The following CNIH3 variants were observed in gnomAD, a reference collection of about 807,000 sequenced individuals.
CNIH3 encodes protein cornichon homolog 3.
In CNIH3, 14 loss-of-function variants were observed where a neutral mutation model predicts 24.1. The observed-to-expected ratio is 0.58, with a 90% CI of 0.38 to 0.91. The LOEUF (loss-of-function observed/expected upper bound fraction) is 0.91. Ranked by LOEUF, CNIH3 falls within the 40% of genes least tolerant of loss-of-function variation. CNIH3 has a pLI of 0.00. For synonymous variants in CNIH3, 68 were observed against 73.8 expected, an observed-to-expected ratio of 0.92 and a Z score of 0.40; for missense variants, 178 against 196.8, an observed-to-expected ratio of 0.90 and a Z score of 0.57.
At chr1:224,609,284 A>G (rs1682574474) in intron 3 of CNIH3, among the ~76,000 whole-genome samples, 1 of 152,220 alleles carries the variant, frequency 6.6e-6, no homozygotes, top group Admixed American at 6.5e-5. Context: ...AGGTAGATGA[A>G]TGTTCACTAA....
chr1:224,451,368 T>C (rs955169457), intron 1 of CNIH3, among the ~76,000 whole-genome samples: 2 of 152,214 alleles, frequency 1.3e-5, no homozygotes, highest in Non-Finnish European at 1.5e-5. Context: ...AGAGTCATGA[T>C]GTACTAGAGA....
chr1:224,640,036 A>G (rs1277292993), intron 1 of CNIH3, among the ~76,000 whole-genome samples: 1 of 152,344 alleles, frequency 6.6e-6, no homozygotes, highest in Non-Finnish European at 1.5e-5. Flanking sequence ...AGATAAGGCC[A>G]GGTCTTGAGC....
In CNIH3 at chr1:224,627,658, C is replaced by T. The variant is rs181168519; in HGVS notation, c.81+10403C>T. Among the ~76,000 whole-genome samples the T allele has an allele frequency of 2.6e-3, 401 of 152,252 alleles. 3 individuals carry two copies. The highest frequency in any genetic ancestry group is 0.02 in the Middle Eastern group (6 of 294). ...TGGGTCCTGTGTACACTAGCAGACCCGTGGGGACTGAGGCCCGCTCCTGCA... is the reference window on the plus strand; with the variant it reads ...TGGGTCCTGTGTACACTAGCAGACCTGTGGGGACTGAGGCCCGCTCCTGCA... On this transcript the variant is annotated intron_variant, in intron 1 of 5. Coordinates refer to ENST00000272133, the MANE Select transcript of CNIH3 (RefSeq NM_152495.2).
At chr1:224,547,543 C>T (rs890314626) in intron 3 of CNIH3, among the ~76,000 whole-genome samples, 1 of 151,898 alleles carries the variant, frequency 6.6e-6, no homozygotes, top group Non-Finnish European at 1.5e-5. Context: ...GGGGGTGAAA[C>T]ACCCTGTGTG....
At chr1:224,462,013 T>G (rs1024517412) in intron 1 of CNIH3, among the ~76,000 whole-genome samples, 2 of 152,148 alleles carry the variant, frequency 1.3e-5, no homozygotes, top group African/African-American at 4.8e-5. Flanking sequence ...ACTTTTACTT[T>G]TTAGAGCTGT....
chr1:224,554,907 T>A (rs1272035742), intron 3 of CNIH3, among the ~76,000 whole-genome samples: 5 of 152,206 alleles, frequency 3.3e-5, no homozygotes, highest in African/African-American at 9.6e-5. Context: ...ACTACTTACA[T>A]AGCATTGCAT....
intron 3 of CNIH3, among the ~76,000 whole-genome samples, chr1:224,556,936 A>G (rs1304806111): frequency 6.6e-6 from 1 of 152,204 alleles, no homozygotes; most frequent in Non-Finnish European, 1.5e-5. Context: ...CATGAATCTG[A>G]GGAGCTCCTG....
intron 1 of CNIH3, among the ~76,000 whole-genome samples, chr1:224,486,587 G>C (rs976458523): frequency 1.3e-5 from 2 of 151,884 alleles, no homozygotes; most frequent in African/African-American, 4.8e-5. Context: ...GAATATATAC[G>C]TATACATACC....
At chr1:224,691,421 G>C (rs931956963) in intron 3 of CNIH3, among the ~76,000 whole-genome samples, 6 of 152,224 alleles carry the variant, frequency 3.9e-5, no homozygotes, top group Non-Finnish European at 7.3e-5. Context: ...AAAGTGGGCA[G>C]GCGTGGGAGT....
intron 3 of CNIH3, among the ~76,000 whole-genome samples, chr1:224,598,552 G>A (rs1682081202): frequency 6.6e-6 from 1 of 152,178 alleles, no homozygotes; most frequent in African/African-American, 2.4e-5. Flanking sequence ...ATGCTACAGA[G>A]AGATCTTTCA....
intron 1 of CNIH3, among the ~76,000 whole-genome samples, chr1:224,640,704 G>A (rs1299036440): frequency 6.6e-6 from 1 of 152,202 alleles, no homozygotes; most frequent in Non-Finnish European, 1.5e-5. Context: ...TGGCTGCTGT[G>A]TTGTGAACTG....
chr1:224,561,329 TA>T (rs760576362), intron 3 of CNIH3, among the ~76,000 whole-genome samples: 2 of 152,218 alleles, frequency 1.3e-5, no homozygotes, highest in African/African-American at 4.8e-5. Flanking sequence ...TATAATTTTC[TA>T]AAAGTTTTAT....
At chr1:224,642,055 C>T (rs995058131) in intron 1 of CNIH3, among the ~76,000 whole-genome samples, 1 of 152,076 alleles carries the variant, frequency 6.6e-6, no homozygotes, top group African/African-American at 2.4e-5. Context: ...GGTTATGCTC[C>T]GTTTGGACAT....
chr1:224,582,503 G>A lies in CNIH3; in HGVS notation n.517-661G>A, dbSNP rs181185444. Among the ~76,000 whole-genome samples, 3 of 152,182 alleles carry A rather than the reference G, an allele frequency of 2.0e-5. No homozygotes were observed. The East Asian group carries it at 5.8e-4, about 29-fold the overall frequency. ...TGATGGATTTTGAAGTGCCTGGGGCGGTAGCCTGTGTGCAATACACCTGGA... is the reference window on the plus strand; with the variant it reads ...TGATGGATTTTGAAGTGCCTGGGGCAGTAGCCTGTGTGCAATACACCTGGA... On this transcript the variant is annotated intron_variant and non_coding_transcript_variant, in intron 4 of 5. Transcript: ENST00000471578.
intron 2 of CNIH3, among the ~76,000 whole-genome samples, chr1:224,542,819 T>A (rs1178209710): frequency 6.6e-6 from 1 of 152,192 alleles, no homozygotes; most frequent in African/African-American, 2.4e-5. Flanking sequence ...TTTCTAAAAT[T>A]TAACTCAGAT....
At chr1:224,527,746 C>T (rs1044228559) in intron 2 of CNIH3, among the ~76,000 whole-genome samples, 1 of 152,008 alleles carries the variant, frequency 6.6e-6, no homozygotes, top group Admixed American at 6.5e-5. Flanking sequence ...TGATGGATAT[C>T]CTAATTACCC....
chr1:224,605,549 G>GC, intron 3 of CNIH3, among the ~76,000 whole-genome samples: 1 of 152,318 alleles, frequency 6.6e-6, no homozygotes, highest in East Asian at 1.9e-4. Flanking sequence ...ATAATTCCCA[G>GC]CCATTATTCC....
chr1:224,470,669 C>G (rs955564798), intron 1 of CNIH3, among the ~76,000 whole-genome samples: 2 of 151,804 alleles, frequency 1.3e-5, no homozygotes, highest in African/African-American at 2.4e-5. Flanking sequence ...TGGGATCTGC[C>G]TATGTTTTGA....
At chr1:224,715,902 G>A (rs935769736) in intron 3 of CNIH3, among the ~76,000 whole-genome samples, 2 of 152,150 alleles carry the variant, frequency 1.3e-5, no homozygotes, top group Non-Finnish European at 2.9e-5. Context: ...GATTTGGAGA[G>A]GTCAAACCTA....
Sources: gnomAD v4.1 joint callset for allele counts (sites outside exome capture counted in the v4.1 genomes callset) on GRCh38, gnomAD v4.1.1 for gene constraint, MANE v1.5 for transcripts, NCBI Gene and HGNC (gene_info 2026-07-23, HGNC 2026-07-21) for gene names.